Variants in USP26 observed in about 807,000 individuals in gnomAD.
The protein encoded by USP26 is ubiquitin specific peptidase 26, also known as ubiquitin carboxyl-terminal hydrolase 26.
For synonymous variants in USP26, 236 were observed against 240.6 expected, an observed-to-expected ratio of 0.98 and a Z score of 0.18; for missense variants, 649 against 642.3, an observed-to-expected ratio of 1.01 and a Z score of -0.11.
chrX:133,032,590 A>T (rs2067381631), intron 5 of USP26, among the ~76,000 whole-genome samples: 1 of 111,971 alleles, frequency 8.9e-6, no homozygotes, highest in South Asian at 3.7e-4. Context: ...CAATCTGCAT[A>T]TTTTTTCTCC....
At chrX:133,068,016 G>A (rs1018136121) in intron 5 of USP26, among the ~76,000 whole-genome samples, 1 of 111,867 alleles carries the variant, frequency 8.9e-6, no homozygotes, top group Non-Finnish European at 1.9e-5. Flanking sequence ...TATTATCAAT[G>A]GTGGGCTGCA....
At chrX:133,045,320 GACCAATCAGCTCTCTGTAAAACAT>G (rs1488490125) in intron 5 of USP26, among the ~76,000 whole-genome samples, 106 of 111,646 alleles carry the variant, frequency 9.5e-4, no homozygotes, top group African/African-American at 2.9e-3. Context: ...TGTCAAAACG[GACCAATCAGCTCTCTGTAAAACAT>G]ACCAATCAGC....
At chrX:133,044,542 G>A (rs898340732) in intron 5 of USP26, among the ~76,000 whole-genome samples, 8 of 113,330 alleles carry the variant, frequency 7.1e-5, no homozygotes, top group Admixed American at 4.6e-4. Flanking sequence ...CGGAGGGTGC[G>A]CCAGGTCCCC....
intron 5 of USP26, among the ~76,000 whole-genome samples, chrX:133,048,430 C>A (rs1423107300): frequency 1.3e-4 from 14 of 111,524 alleles, no homozygotes; most frequent in Non-Finnish European, 2.6e-4. Context: ...CATAATTATT[C>A]CTTCGTGGAT....
At chrX:133,087,317 T>C (rs188857617) in intron 4 of USP26, among the ~76,000 whole-genome samples, 1 of 112,559 alleles carries the variant, frequency 8.9e-6, no homozygotes, top group Non-Finnish European at 1.9e-5. Flanking sequence ...CAAATATGGA[T>C]ATTTTTCATA....
chrX:133,060,003 T>A (rs1382171387), intron 5 of USP26, among the ~76,000 whole-genome samples: 1 of 111,679 alleles, frequency 9.0e-6, no homozygotes, highest in Non-Finnish European at 1.9e-5. Context: ...CACAGAAGAC[T>A]GACAACAGGC....
chrX:133,041,484 T>C (rs953143266), intron 5 of USP26, among the ~76,000 whole-genome samples: 49 of 111,949 alleles, frequency 4.4e-4, no homozygotes, highest in Non-Finnish European at 3.9e-4. Flanking sequence ...TTGCTTGAGG[T>C]TCACTCCAGG....
At chrX:133,038,571 A>G (rs1027623227) in intron 5 of USP26, among the ~76,000 whole-genome samples, 1 of 111,679 alleles carries the variant, frequency 9.0e-6, no homozygotes, top group African/African-American at 3.3e-5. Flanking sequence ...GTTTGCCAGT[A>G]TTTTGTTGAG....
intron 1 of USP26, among the ~76,000 whole-genome samples, chrX:133,094,929 T>C: frequency 9.1e-6 from 1 of 109,786 alleles, no homozygotes. Flanking sequence ...ACCCCGTCTC[T>C]ACTAAAAATA....
At chrX:133,095,040 A>T (rs1177924588) in intron 1 of USP26, among the ~76,000 whole-genome samples, 2 of 98,815 alleles carry the variant, frequency 2.0e-5, no homozygotes, top group Non-Finnish European at 4.0e-5. Flanking sequence ...CGTTGCAGTG[A>T]GCTGGGATCG....
intron 5 of USP26, among the ~76,000 whole-genome samples, chrX:133,035,157 G>A (rs1026504974): frequency 1.8e-5 from 2 of 111,628 alleles, no homozygotes; most frequent in Non-Finnish European, 3.8e-5. Flanking sequence ...GATACTGAAA[G>A]AATCCCACAT....
intron 5 of USP26, among the ~76,000 whole-genome samples, chrX:133,041,622 T>C (rs974481778): frequency 4.5e-5 from 5 of 112,113 alleles, no homozygotes; most frequent in Admixed American, 1.9e-4. Context: ...CTGTATGAGG[T>C]GTCTGTCAAC....
intron 5 of USP26, among the ~76,000 whole-genome samples, chrX:133,053,829 G>C (rs2067467458): frequency 9.0e-6 from 1 of 111,600 alleles, no homozygotes; most frequent in African/African-American, 3.3e-5. Flanking sequence ...GGTAAATTCA[G>C]GTCAGAGAGG....
In USP26 at chrX:133,025,884, A is replaced by T; in HGVS notation, c.2337T>A (p.Asn779Lys). Residue 779 changes from asparagine (N) to lysine (K), a missense_variant, in exon 6 of 6, where the codon AAT (asparagine) becomes AAA (lysine). Physicochemically the swap from Asn to Lys is moderately conservative, Grantham distance 94 (BLOSUM62 0). Coordinates refer to ENST00000511190, the MANE Select transcript of USP26 (RefSeq NM_031907.3). ...GGGAATTCCTGTTAGACTTCTGTAG[A>T]TTTAATTTTGTAGGTCTTAGGAGGT... ...TKNLLRPTKL[N>K]LQKSNRNSLL... 1.1e-5 allele frequency: 13 copies of T among 1,211,213 alleles called. No individual in the cohort carries two copies. The highest frequency in any genetic ancestry group is 1.0e-5 in the Non-Finnish European group (9 of 895,386).
intron 5 of USP26, among the ~76,000 whole-genome samples, chrX:133,055,004 G>C (rs192540314): frequency 5.3e-5 from 6 of 112,418 alleles, no homozygotes; most frequent in African/African-American, 1.6e-4. Context: ...TGACTGACCT[G>C]AAGTACAGTA....
At chrX:133,041,887 C>T (rs971700880) in intron 5 of USP26, among the ~76,000 whole-genome samples, 4 of 112,499 alleles carry the variant, frequency 3.6e-5, no homozygotes, top group African/African-American at 1.3e-4. Flanking sequence ...GGGCTGCTTC[C>T]TTTCCTCCAA....
At chrX:133,029,729 C>A (rs2067369465) in intron 5 of USP26, among the ~76,000 whole-genome samples, 1 of 111,995 alleles carries the variant, frequency 8.9e-6, no homozygotes, top group Non-Finnish European at 1.9e-5. Flanking sequence ...TTATTATCTT[C>A]TTTCTATTGG....
chrX:133,042,552 G>T (rs777557942), intron 5 of USP26, among the ~76,000 whole-genome samples: 32 of 111,066 alleles, frequency 2.9e-4, no homozygotes, highest in African/African-American at 1.0e-3. Flanking sequence ...CCTGTGAGAT[G>T]AACTGGGCAC....
chrX:133,054,379 T>C (rs768844230), intron 5 of USP26, among the ~76,000 whole-genome samples: 2 of 111,513 alleles, frequency 1.8e-5, no homozygotes, highest in Non-Finnish European at 1.9e-5. Flanking sequence ...TGAGGCACCA[T>C]CATCTTCCAT....
Sources: gnomAD v4.1 joint callset for allele counts (sites outside exome capture counted in the v4.1 genomes callset) on GRCh38, gnomAD v4.1.1 for gene constraint, MANE v1.5 for transcripts, NCBI Gene and HGNC (gene_info 2026-07-23, HGNC 2026-07-21) for gene names.